The following ZNF503 variants were observed in gnomAD, a reference collection of about 807,000 sequenced individuals.
ZNF503 encodes NocA-like zinc finger 2.
A neutral mutation model predicts 34.4 loss-of-function variants in ZNF503; 15 were observed. The observed-to-expected ratio is 0.44, with a 90% CI of 0.29 to 0.67. ZNF503 has a LOEUF of 0.67. ZNF503 is among the 30% of genes least tolerant of loss of function. The pLI is 0.13. For missense variants in ZNF503, 1,007 were observed against 926.8 expected (o/e 1.09, Z -1.12); for synonymous variants, 580 against 456.8 (o/e 1.27, Z -3.44).
Position 75,400,078 on chromosome 10 carries a change from A to G in ZNF503, c.612T>C (p.Gly204=), listed in dbSNP as rs926076096. ...GGAATCCCGACTTCTCCGACGAAAC[A>G]CCCCCGCCGCCGCCCCCGCCACCGC... ...GGGGGGGGGG[G]VSSEKSGFRV... is the part of the protein sequence containing the mutation. The change falls in exon 2 of 2, where the codon GGT becomes GGC. Residue 204 remains glycine (G), a synonymous_variant. Coordinates refer to ENST00000372524, the MANE Select transcript of ZNF503 (RefSeq NM_032772.6). The G allele has an allele frequency of 2.0e-6, 3 of 1,538,106 alleles. No individual in the cohort carries two copies. The highest frequency in any genetic ancestry group is 8.7e-7 in the Non-Finnish European group (1 of 1,145,172).
chr10:75,396,711 A>G (rs1843704508), downstream of ZNF503, among the ~76,000 whole-genome samples: 1 of 151,842 alleles, frequency 6.6e-6, no homozygotes, highest in Non-Finnish European at 1.5e-5. The surrounding 1 kb of genome is among the most constrained non-coding windows in gnomAD (Gnocchi z 4.4). Flanking sequence ...GCGCTCTCAG[A>G]GCTGTGACTC....
the ZNF503 span, among the ~76,000 whole-genome samples, chr10:75,389,464 T>A: frequency 6.6e-6 from 1 of 152,192 alleles, no homozygotes. Context: ...GCGCAGTGGC[T>A]CATGTCTGTA....
chr10:75,395,180 C>T (rs1348086912), downstream of ZNF503, among the ~76,000 whole-genome samples: 1 of 152,274 alleles, frequency 6.6e-6, no homozygotes, highest in East Asian at 1.9e-4. The surrounding 1 kb of genome is among the most constrained non-coding windows in gnomAD (Gnocchi z 4.4). Flanking sequence ...GACAAGGTGA[C>T]GTATCAGAGC....
At chr10:75,390,154 C>T in the ZNF503 span, among the ~76,000 whole-genome samples, 2 of 152,140 alleles carry the variant, frequency 1.3e-5, no homozygotes, top group African/African-American at 4.8e-5. Context: ...GCCTCAGCCT[C>T]CCAAAGTGCT....
At chr10:75,395,098 G>A (rs1843681882), downstream of ZNF503, among the ~76,000 whole-genome samples, 1 of 152,198 alleles carries the variant, frequency 6.6e-6, no homozygotes. This position sits in a 1 kb window ranked among gnomAD's most constrained non-coding sequence, Gnocchi z 4.4. Context: ...CAAGGAGTGG[G>A]CGCTAGGAAA....
chr10:75,385,597 C>T, the ZNF503 span, among the ~76,000 whole-genome samples: 1 of 152,204 alleles, frequency 6.6e-6, no homozygotes, highest in Non-Finnish European at 1.5e-5. Context: ...ATGGCTTCCT[C>T]ACAGCATGGT....
At chr10:75,345,574 G>T in the ZNF503 span, among the ~76,000 whole-genome samples, 1 of 146,416 alleles carries the variant, frequency 6.8e-6, no homozygotes, top group African/African-American at 2.5e-5. Context: ...GGTGAAGGTT[G>T]CAGTGAACCA....
At chr10:75,390,252 C>T in the ZNF503 span, among the ~76,000 whole-genome samples, 1 of 152,094 alleles carries the variant, frequency 6.6e-6, no homozygotes, top group South Asian at 2.1e-4. Context: ...GCCTTTCCAC[C>T]CAGCTTTGCT....
At chr10:75,329,456 TTTCTC>T in the ZNF503 span, among the ~76,000 whole-genome samples, 1 of 136,606 alleles carries the variant, frequency 7.3e-6, no homozygotes, top group Non-Finnish European at 1.6e-5. Flanking sequence ...TCTTTCTTTC[TTTCTC>T]TTTCTTTCTT....
At chr10:75,365,941 T>A in the ZNF503 span, among the ~76,000 whole-genome samples, 1 of 152,190 alleles carries the variant, frequency 6.6e-6, no homozygotes, top group Non-Finnish European at 1.5e-5. Context: ...CATGCGTGCC[T>A]CTCGCTTTCC....
the ZNF503 span, among the ~76,000 whole-genome samples, chr10:75,301,062 T>C: frequency 2.0e-5 from 3 of 152,114 alleles, no homozygotes; most frequent in Non-Finnish European, 4.4e-5. Context: ...ATAGCCACTC[T>C]AGCTCTCTTA....
In ZNF503 at chr10:75,401,339, A is replaced by ACCGCCGCCTCCG. The variant is rs1554886721; in HGVS notation, c.69_80dup (p.Gly24_Gly27dup). On this transcript the variant is annotated inframe_insertion, in exon 1 of 2. Coordinates refer to ENST00000372524, the MANE Select transcript of ZNF503 (RefSeq NM_032772.6). ...GCGCGCTGGTCCAGGCAGGGTCTGC[A>ACCGCCGCCTCCG]CCGCCGCCTCCGCCTCCGCCGCCGC... The ACCGCCGCCTCCG allele has an allele frequency of 5.6e-6, 8 of 1,431,314 alleles. No homozygotes were observed. The highest frequency in any genetic ancestry group is 7.6e-6 in the Non-Finnish European group (8 of 1,050,472). The allele number at this position is 1,431,314 out of a possible 1,614,324, so 88.7% of individuals were successfully genotyped here.
chr10:75,283,078 T>C, the ZNF503 span, among the ~76,000 whole-genome samples: 3 of 152,256 alleles, frequency 2.0e-5, no homozygotes, highest in African/African-American at 7.2e-5. Flanking sequence ...TGACTGCCCT[T>C]AGAAAAGCCA....
the ZNF503 span, among the ~76,000 whole-genome samples, chr10:75,282,043 C>T: frequency 1.3e-5 from 2 of 152,234 alleles, no homozygotes; most frequent in East Asian, 3.8e-4. Context: ...GCATATCCAA[C>T]AGCCATCCCC....
chr10:75,304,020 G>T, the ZNF503 span, among the ~76,000 whole-genome samples: 1 of 152,176 alleles, frequency 6.6e-6, no homozygotes, highest in African/African-American at 2.4e-5. Context: ...TTTTAGTAGA[G>T]ATGGGGTTTC....
downstream of ZNF503, among the ~76,000 whole-genome samples, chr10:75,395,340 G>A (rs1310217485): frequency 1.3e-5 from 2 of 152,322 alleles, no homozygotes; most frequent in Admixed American, 6.5e-5. The surrounding 1 kb of genome is among the most constrained non-coding windows in gnomAD (Gnocchi z 4.4). Context: ...GAAAAGAAGC[G>A]AGGAGTCACA....
rs777166936 is a variant in ZNF503, at chr10:75,400,984, C to G, written c.315+121G>C. On this transcript the variant is annotated intron_variant, in intron 1 of 1. Transcript: ENST00000372524. ...GAGGTACGGAAGCAGTAGCCTCTTC[C>G]CCCATTCGGGAGCTGAATCACTCCG... is the stretch of plus-strand genomic sequence containing the variant. The G allele has an allele frequency of 4.3e-6, 6 of 1,411,730 alleles. No homozygotes were observed. The South Asian group carries it at 7.6e-5, about 18-fold the overall frequency. The allele number at this position is 1,411,730 out of a possible 1,614,324, so 87.5% of individuals were successfully genotyped here.
the ZNF503 span, among the ~76,000 whole-genome samples, chr10:75,384,215 C>T: frequency 6.6e-6 from 1 of 151,982 alleles, no homozygotes; most frequent in African/African-American, 2.4e-5. Context: ...TCCAGCCCCC[C>T]TCTCTCCCTC....
the ZNF503 span, among the ~76,000 whole-genome samples, chr10:75,362,553 C>T: frequency 1.3e-5 from 2 of 152,160 alleles, no homozygotes; most frequent in East Asian, 3.9e-4. Context: ...AGATAAAATA[C>T]ATCATCATTT....
Sources: allele counts gnomAD v4.1 joint callset (sites outside exome capture counted in the v4.1 genomes callset), GRCh38; gene constraint gnomAD v4.1.1; non-coding constraint Gnocchi (gnomAD v3.1); transcripts MANE v1.5; gene names NCBI Gene and HGNC (gene_info 2026-07-23, HGNC 2026-07-21).